FLNB: variants seen among roughly 807,000 people sequenced by gnomAD.
The protein encoded by FLNB is filamin-B.
FLNB carries 111 observed loss-of-function variants against 250.6 expected under a neutral mutation model. The observed-to-expected ratio is 0.44, with a 90% confidence interval of 0.38 to 0.52. The LOEUF (loss-of-function observed/expected upper bound fraction) is 0.52, where lower values mean the gene tolerates loss of function less well. Ranked by LOEUF, FLNB falls within the 20% of genes least tolerant of loss-of-function variation. The probability of loss-of-function intolerance (pLI) is 0.00; values close to 1 mark genes in which losing one functional copy is unlikely to be tolerated. For missense variants in FLNB, 2,869 were observed against 3,447.8 expected (o/e 0.83, Z 4.20); for synonymous variants, 1,302 against 1,372.1 (o/e 0.95, Z 1.13).
rs745987694 is a variant in FLNB at position 58,098,713 on chromosome 3, G to A, written c.1150G>A (p.Ala384Thr). The part of the protein sequence containing the change: ...PTYFDIYTAG[A>T]GVGDIGVEVE... ...ATGGAATGCTTGCTTTCTTGTAGGA[G>A]CTGGTGTGGGTGACATTGGTGTGGA... is the stretch of plus-strand genomic sequence containing the variant. The change falls in exon 8 of 46, where the codon GCT becomes ACT. Residue 384 changes from alanine (A) to threonine (T), a missense_variant and splice_region_variant. This residue lies in a region of FLNB where 1,348 missense variants were observed against 1,466.7 expected (regional missense o/e 0.92). Coordinates refer to ENST00000295956, the MANE Select transcript of FLNB (RefSeq NM_001457.4). The A allele has an allele frequency of 1.2e-6, 2 of 1,614,032 alleles. No individual in the cohort carries two copies. The highest frequency in any genetic ancestry group is 1.7e-5 in the Admixed American group (1 of 60,004).
In FLNB at chr3:58,159,679, G is replaced by A; in HGVS notation, c.7014G>A (p.Leu2338=). 1 of 1,613,444 alleles carries A rather than the reference G, an allele frequency of 6.2e-7. No homozygotes were observed. The highest frequency in any genetic ancestry group is 1.7e-4 in the Middle Eastern group (1 of 5,860). Residue 2338 remains leucine (L), a synonymous_variant, in exon 42 of 46, where the codon CTG becomes CTA. Transcript: ENST00000295956. The part of the protein sequence containing the change: ...GAVEECHVSE[L]EPDKYAVRFI... ...TGGAGGAGTGCCACGTGTCTGAGCTGGAGCCAGGTGAGCAGGAGGCCTGCT... is the reference window on the plus strand; with the variant it reads ...TGGAGGAGTGCCACGTGTCTGAGCTAGAGCCAGGTGAGCAGGAGGCCTGCT...
chr3:58,123,588 T>C lies in FLNB; in HGVS notation c.3622T>C (p.Tyr1208His), dbSNP rs1227875102. 6.2e-7 allele frequency: 1 copy of C among 1,609,692 alleles called. No individual in the cohort carries two copies. Among genetic ancestry groups the C allele is most frequent in the Non-Finnish European group, 8.5e-7 (1 of 1,179,192 alleles). ...CGGCATGTACACGTTGACCATGAAG[T>C]ATGGTGGCGAACTCGTGCCACACTT... ...TAGMYTLTMK[Y>H]GGELVPHFPA... The change falls in exon 21 of 46, where the codon TAT (tyrosine) becomes CAT (histidine). Residue 1208 changes from tyrosine (Y) to histidine (H), a missense_variant. By Grantham distance (83) the Tyr-to-His change is moderately conservative. Transcript: ENST00000295956.
chr3:58,019,822 CT>C (rs1261828380), intron 1 of FLNB, among the ~76,000 whole-genome samples: 1 of 152,216 alleles, frequency 6.6e-6, no homozygotes, highest in Non-Finnish European at 1.5e-5. Context: ...TGACTGGGAC[CT>C]TTTCCAGTTT....
intron 39 of FLNB, among the ~76,000 whole-genome samples, chr3:58,154,405 C>T (rs552307312): frequency 3.5e-4 from 53 of 152,216 alleles, no homozygotes; most frequent in African/African-American, 1.2e-3. Context: ...ATTAGCTGGG[C>T]ATGGCGGCAT....
At chr3:58,108,341 T>G in intron 12 of FLNB, 117 bp from the exon 13 acceptor site, 2 of 732,944 alleles carry the variant, frequency 2.7e-6, no homozygotes, top group Non-Finnish European at 4.9e-6. Flanking sequence ...ATGTGGATAC[T>G]GTAAAACCAG....
At chr3:58,158,044 G>A (rs2097355949) in intron 41 of FLNB, among the ~76,000 whole-genome samples, 1 of 151,166 alleles carries the variant, frequency 6.6e-6, no homozygotes, top group Admixed American at 6.6e-5. Flanking sequence ...TTAGCAAAGA[G>A]AGGCATGTAT....
chr3:58,091,048 A>T (rs1336781248), intron 4 of FLNB, among the ~76,000 whole-genome samples: 1 of 151,830 alleles, frequency 6.6e-6, no homozygotes, highest in Admixed American at 6.6e-5. Context: ...ACCGCACTGT[A>T]GCCTGGGCGA....
At chr3:58,080,155 C>T (rs1237792188) in intron 3 of FLNB, among the ~76,000 whole-genome samples, 4 of 152,164 alleles carry the variant, frequency 2.6e-5, no homozygotes, top group Non-Finnish European at 4.4e-5. Context: ...GTATTGAAGG[C>T]GACTGTTCAA....
chr3:58,129,799 G>T (rs569460516), intron 24 of FLNB, among the ~76,000 whole-genome samples: 1 of 152,106 alleles, frequency 6.6e-6, no homozygotes, highest in African/African-American at 2.4e-5. Context: ...AGAGGTGCAC[G>T]TAGCCCCTTG....
At chr3:58,143,202 G>A (rs9863375) in intron 31 of FLNB, among the ~76,000 whole-genome samples, 2 of 151,586 alleles carry the variant, frequency 1.3e-5, no homozygotes, top group African/African-American at 4.9e-5. Flanking sequence ...GTTTCATGGT[G>A]TTCTCAAGTC....
At chr3:58,033,346 G>A (rs779433766) in intron 1 of FLNB, among the ~76,000 whole-genome samples, 1 of 150,534 alleles carries the variant, frequency 6.6e-6, no homozygotes, top group Non-Finnish European at 1.5e-5. Context: ...TTATCAGTCA[G>A]TTTTCATCTT....
chr3:58,037,435 A>G (rs1333487029), intron 1 of FLNB, among the ~76,000 whole-genome samples: 1 of 152,108 alleles, frequency 6.6e-6, no homozygotes, highest in African/African-American at 2.4e-5. Context: ...TTCAACCTTC[A>G]TATCAGCCAG....
Position 58,171,129 on chromosome 3 carries a change from A to C in FLNB, c.*367A>C, listed in dbSNP as rs144165782. On this transcript the variant is annotated 3_prime_UTR_variant, in exon 46 of 46. Coordinates refer to ENST00000295956, the MANE Select transcript of FLNB (RefSeq NM_001457.4). The surrounding 1 kb of genome is among the most constrained non-coding windows in gnomAD (Gnocchi z 5.5). ...GCTGGTTCACTCTTCAGCATTTATG[A>C]AACAAGGCTAGGGGAAGATGGGCAG... The C allele has an allele frequency of 3.3e-4, 84 of 255,950 alleles. 1 individual carries two copies. In the East Asian group the frequency reaches 6.7e-3, roughly 20 times the overall value. The allele number at this position is 255,950 out of a possible 1,614,324, so 15.9% of individuals were successfully genotyped here. A position where few individuals can be genotyped will look rare whatever the true frequency, so the allele number is the denominator to read the frequency against.
intron 1 of FLNB, among the ~76,000 whole-genome samples, chr3:58,023,845 C>CA (rs1345790233): frequency 6.6e-6 from 1 of 152,166 alleles, no homozygotes; most frequent in Non-Finnish European, 1.5e-5. Context: ...TTGGGACTGC[C>CA]AGGGTCTCTT....
chr3:58,106,834 C>T lies in FLNB; in HGVS notation c.1902C>T (p.Ala634=), dbSNP rs1576728751. Residue 634 remains alanine, a synonymous_variant, in exon 12 of 46, where the codon GCC becomes GCT. Coordinates refer to ENST00000295956, the MANE Select transcript of FLNB (RefSeq NM_001457.4). Reference sequence around the variant, plus strand: ...ACATCAAGGACAGCCCGTACATGGCCTTCATCCACCCAGCCACGGGAGGCT... The same window carrying T: ...ACATCAAGGACAGCCCGTACATGGCTTTCATCCACCCAGCCACGGGAGGCT... ...DEDIKDSPYM[A]FIHPATGGYN... The T allele has an allele frequency of 6.2e-7, 1 of 1,614,086 alleles. No homozygotes were observed. The highest frequency in any genetic ancestry group is 1.7e-4 in the Middle Eastern group (1 of 5,998).
intron 41 of FLNB, among the ~76,000 whole-genome samples, chr3:58,156,651 A>G (rs760523441): frequency 3.3e-5 from 5 of 152,226 alleles, no homozygotes; most frequent in Non-Finnish European, 7.3e-5. Context: ...ACCAGCTAGT[A>G]TGAGGCAGAA....
chr3:58,117,647 T>C (rs1041064810), intron 18 of FLNB, among the ~76,000 whole-genome samples: 3 of 152,192 alleles, frequency 2.0e-5, no homozygotes, highest in African/African-American at 7.2e-5. Flanking sequence ...TTCCTGCCCC[T>C]TGGCTGGCTC....
chr3:58,124,491 C>T lies in FLNB; in HGVS notation c.3884C>T (p.Thr1295Ile), dbSNP rs879092580. 6.2e-7 allele frequency: 1 copy of T among 1,614,240 alleles called. No homozygotes were observed. Among genetic ancestry groups the T allele is most frequent in the South Asian group, 1.1e-5 (1 of 91,086 alleles). The change falls in exon 22 of 46, where the codon ACA becomes ATA. Residue 1295 changes from threonine (T) to isoleucine (I), a missense_variant. Thr to Ile is a moderately conservative substitution (Grantham distance 89). This residue lies in a region of FLNB where 1,348 missense variants were observed against 1,466.7 expected (regional missense o/e 0.92). Transcript: ENST00000295956. ...NADGTYQVEY[T>I]PFEKGLHVVE... is the part of the protein sequence containing the mutation. ...GATGGGACCTACCAGGTGGAATACA[C>T]ACCCTTTGAGAAAGGTGAGCCGCCC... is the stretch of plus-strand genomic sequence containing the variant.
intron 27 of FLNB, among the ~76,000 whole-genome samples, chr3:58,135,352 C>T (rs1223535917): frequency 6.6e-6 from 1 of 152,248 alleles, no homozygotes; most frequent in Non-Finnish European, 1.5e-5. Flanking sequence ...CTCTGCTCCT[C>T]TACCTAGCAT....
Sources: allele counts gnomAD v4.1 joint callset (sites outside exome capture counted in the v4.1 genomes callset), GRCh38; gene constraint gnomAD v4.1.1; regional missense constraint gnomAD v4.1.1; non-coding constraint Gnocchi (gnomAD v3.1); transcripts MANE v1.5; gene names NCBI Gene and HGNC (gene_info 2026-07-23, HGNC 2026-07-21).